Variants in ELOVL2 observed in about 807,000 individuals in gnomAD.
ELOVL2 encodes ELOVL fatty acid elongase 2.
In ELOVL2, 38 loss-of-function variants were observed where a neutral mutation model predicts 37.7. The ratio of observed to expected loss-of-function variants is 1.01; its 90% CI spans 0.78 to 1.32. The LOEUF (loss-of-function observed/expected upper bound fraction) is 1.32, where lower values mean the gene tolerates loss of function less well. Ranked by LOEUF, ELOVL2 falls within the 40% of genes most tolerant of loss-of-function variation. The pLI, the probability that ELOVL2 is intolerant of heterozygous loss-of-function variation, is 0.00. For missense variants in ELOVL2, 352 were observed against 363.6 expected (o/e 0.97, Z 0.26); for synonymous variants, 115 against 122.3 (o/e 0.94, Z 0.40).
In ELOVL2 at chr6:11,044,208, C is replaced by T. The variant is rs761126502; in HGVS notation, c.3+20G>A. On this transcript the variant is annotated intron_variant, in intron 1 of 7. Coordinates refer to ENST00000354666, the MANE Select transcript of ELOVL2 (RefSeq NM_017770.4). This position sits in a 1 kb window ranked among gnomAD's most constrained non-coding sequence, Gnocchi z 5.6. ...AAAGAAAGCGCGGCGGTGTCGGTGG[C>T]GGCGCGCGGCCCCACTCACCATGAT... 16 of 1,446,068 alleles carry T rather than the reference C, an allele frequency of 1.1e-5. No homozygotes were observed. The highest frequency in any genetic ancestry group is 1.4e-5 in the South Asian group (1 of 71,004). 89.6% of individuals were successfully genotyped at this position (1,446,068 alleles called of 1,614,324 possible). A position where few individuals can be genotyped will look rare whatever the true frequency, so the allele number is the denominator to read the frequency against.
In ELOVL2 at chr6:11,042,707, C is replaced by T. The variant is rs572905091; in HGVS notation, c.3+1521G>A. Among the ~76,000 whole-genome samples the T allele has an allele frequency of 7.9e-5, 12 of 152,002 alleles. No homozygotes were observed. In the South Asian group the frequency reaches 2.5e-3, roughly 32 times the overall value. On this transcript the variant is annotated intron_variant, in intron 1 of 7. Coordinates refer to ENST00000354666, the MANE Select transcript of ELOVL2 (RefSeq NM_017770.4). ...ACTCGTCATTGAAGGCTGCCAAAAT[C>T]GGGTCCCTCCTGTCGGGAGTATCTC...
chr6:10,995,171 T>C lies in ELOVL2; in HGVS notation c.341A>G (p.Lys114Arg), dbSNP rs955064791. Residue 114 changes from lysine to arginine, a missense_variant, in exon 5 of 8, where the codon AAG (lysine) becomes AGG (arginine). Coordinates refer to ENST00000354666, the MANE Select transcript of ELOVL2 (RefSeq NM_017770.4). ...GGAGAAATAGTACCACCAAAGCACCTTGGCTACCTATAGAAATTTGTAAAG... is the reference window on the plus strand; with the variant it reads ...GGAGAAATAGTACCACCAAAGCACCCTGGCTACCTATAGAAATTTGTAAAG... The part of the protein sequence containing the change: ...SAGEADIRVA[K>R]VLWWYYFSKS... 5 of 1,603,428 alleles carry C rather than the reference T, an allele frequency of 3.1e-6. No homozygotes were observed. The highest frequency in any genetic ancestry group is 2.7e-5 in the African/African-American group (2 of 74,278).
At chr6:10,989,928 C>T (rs1782121754) in intron 6 of ELOVL2, 91 bp from the exon 7 acceptor site, 1 of 1,439,570 alleles carries the variant, frequency 6.9e-7, no homozygotes, top group Non-Finnish European at 9.5e-7. Flanking sequence ...GAAATCAACT[C>T]CTAGGACTCT....
chr6:11,040,816 T>C (rs1783088880), intron 1 of ELOVL2, among the ~76,000 whole-genome samples: 2 of 152,182 alleles, frequency 1.3e-5, no homozygotes, highest in African/African-American at 4.8e-5. Context: ...TATGAAATAT[T>C]ATCATCTTTT....
rs1166654178 is a variant in ELOVL2 at position 10,982,822 on chromosome 6, A to G, written c.*959T>C. 6.6e-6 allele frequency: 1 copy of G among 152,218 alleles called. No individual in the cohort carries two copies. The highest frequency in any genetic ancestry group is 1.5e-5 in the Non-Finnish European group (1 of 68,044). The allele number at this position is 152,218 out of a possible 1,614,324, so 9.4% of individuals were successfully genotyped here. On this transcript the variant is annotated 3_prime_UTR_variant, in exon 8 of 8. Transcript: ENST00000354666. ...GTAATATTCACAAGTAGGCTCACAA[A>G]AAAGAGTTGACGAATTCAGTGCCTA...
chr6:10,992,774 G>A (rs868197476), intron 5 of ELOVL2, among the ~76,000 whole-genome samples: 66 of 147,028 alleles, frequency 4.5e-4, no homozygotes, highest in Non-Finnish European at 5.2e-4. Flanking sequence ...GCGACAGGGC[G>A]GGACTCCATC....
rs745812351 is a variant in ELOVL2, at chr6:10,989,873, CCA to C, written c.631-38_631-37del. On this transcript the variant is annotated intron_variant, in intron 6 of 7. Coordinates refer to ENST00000354666, the MANE Select transcript of ELOVL2 (RefSeq NM_017770.4). Reference sequence around the variant, plus strand: ...CAGAGAGGGCATCTCTGTGAGCGAGCCAGGCTGTGCCACACAGACACTGCGGC... The same window carrying C: ...CAGAGAGGGCATCTCTGTGAGCGAGCGGCTGTGCCACACAGACACTGCGGC... 63 of 1,612,522 alleles carry C rather than the reference CCA, an allele frequency of 3.9e-5. No individual in the cohort carries two copies. The Middle Eastern group carries it at 5.0e-4, about 13-fold the overall frequency.
In ELOVL2 at chr6:10,991,509, CTGAGA is replaced by C. The variant is rs377181078; in HGVS notation, c.506-1072_506-1068del. On this transcript the variant is annotated intron_variant, in intron 5 of 7. Transcript: ENST00000354666. Reference sequence around the variant, plus strand: ...GCTCTTAAGTTTGGGATGAAATTAACTGAGATAATATATGAATTTAAAAGCACCGC... The same window carrying C: ...GCTCTTAAGTTTGGGATGAAATTAACTAATATATGAATTTAAAAGCACCGC... Among the ~76,000 whole-genome samples the C allele has an allele frequency of 9.6e-3, 1,466 of 152,246 alleles. 10 individuals are homozygous for C. Among genetic ancestry groups the C allele is most frequent in the Middle Eastern group, 0.051 (15 of 292 alleles).
chr6:11,017,133 A>G (rs2113534331), intron 1 of ELOVL2, among the ~76,000 whole-genome samples: 1 of 152,316 alleles, frequency 6.6e-6, no homozygotes. Flanking sequence ...ATCATTTCTA[A>G]CATCTTAGAA....
At chr6:11,022,061 C>G (rs950931593) in intron 1 of ELOVL2, among the ~76,000 whole-genome samples, 1 of 152,152 alleles carries the variant, frequency 6.6e-6, no homozygotes, top group African/African-American at 2.4e-5. Flanking sequence ...CCAGGGGTCC[C>G]AGGGAGAGAG....
rs148247732 is a variant in ELOVL2, at chr6:11,029,812, T to C, written c.3+14416A>G. Among the ~76,000 whole-genome samples the C allele has an allele frequency of 3.8e-4, 58 of 152,316 alleles. 1 individual carries two copies. The East Asian group carries it at 9.8e-3, about 26-fold the overall frequency. ...GAAAAGAGAAACACTGAGAGGACACTGCATGCAGTGGGTTGGAACCCTTTC... is the reference window on the plus strand; with the variant it reads ...GAAAAGAGAAACACTGAGAGGACACCGCATGCAGTGGGTTGGAACCCTTTC... On this transcript the variant is annotated intron_variant, in intron 1 of 7. Transcript: ENST00000354666.
intron 1 of ELOVL2, among the ~76,000 whole-genome samples, chr6:11,021,519 A>AAGAGTGTAGGAGAGTAGGAAGAGAGAAC (rs1277868118): frequency 5.8e-4 from 89 of 152,272 alleles, no homozygotes; most frequent in African/African-American, 2.1e-3. Flanking sequence ...TTGGCAAGTA[A>AAGAGTGTAGGAGAGTAGGAAGAGAGAAC]AGAGTGTAGG....
intron 1 of ELOVL2, among the ~76,000 whole-genome samples, chr6:11,022,851 C>T (rs929900232): frequency 1.3e-5 from 2 of 152,138 alleles, no homozygotes; most frequent in South Asian, 2.1e-4. Flanking sequence ...ATAATAGTTT[C>T]TTTCCAGTCA....
At chr6:11,022,294 G>C (rs1782775659) in intron 1 of ELOVL2, among the ~76,000 whole-genome samples, 1 of 152,180 alleles carries the variant, frequency 6.6e-6, no homozygotes, top group Non-Finnish European at 1.5e-5. Context: ...CACCTGGTAT[G>C]AACGGCAGTG....
chr6:11,029,223 C>CAAAAAAAAAAAAAAAAAAAAAAAAAAAA (rs376639413), intron 1 of ELOVL2, among the ~76,000 whole-genome samples: 1 of 75,804 alleles, frequency 1.3e-5, no homozygotes, highest in Non-Finnish European at 2.7e-5. Context: ...AGGGAGATCT[C>CAAAAAAAAAAAAAAAAAAAAAAAAAAAA]AAAAAAAAAA....
intron 7 of ELOVL2, among the ~76,000 whole-genome samples, chr6:10,984,871 T>C (rs1782018430): frequency 1.3e-5 from 2 of 152,206 alleles, no homozygotes; most frequent in Non-Finnish European, 2.9e-5. Context: ...TTTGGGTATA[T>C]ACCCAGTGAT....
chr6:10,990,454 C>T lies in ELOVL2; in HGVS notation c.506-12G>A. The T allele has an allele frequency of 1.9e-6, 3 of 1,578,808 alleles. No homozygotes were observed. Among genetic ancestry groups the T allele is most frequent in the Non-Finnish European group, 2.6e-6 (3 of 1,168,858 alleles). ...TGGTCCAAAGAAACCTATAAAAGTA[C>T]AGTATAAAAATCACTATTCTTCCAG... On this transcript the variant is annotated splice_polypyrimidine_tract_variant and intron_variant, in intron 5 of 7. Coordinates refer to ENST00000354666, the MANE Select transcript of ELOVL2 (RefSeq NM_017770.4).
intron 1 of ELOVL2, chr6:11,043,467 A>AACACACACACACATACACACACACAC (rs1783138751): frequency 9.3e-6 from 1 of 107,206 alleles, no homozygotes; most frequent in Non-Finnish European, 1.9e-5. Context: ...GACACGGGTG[A>AACACACACACACATACACACACACAC]ACACACACAC....
Position 11,014,410 on chromosome 6 carries a change from C to T in ELOVL2, c.4-3601G>A, listed in dbSNP as rs973328517. ...GGGAGAATCACTTGAATGCAGGAGG[C>T]GGAGGTTGCAGTGAGCTGAGATCGC... On this transcript the variant is annotated intron_variant, in intron 1 of 7. Transcript: ENST00000354666. Among the ~76,000 whole-genome samples the T allele has an allele frequency of 2.7e-5, 4 of 149,854 alleles. No homozygotes were observed. In the Admixed American group the frequency reaches 2.7e-4, roughly 10 times the overall value.
Sources: gnomAD v4.1 joint callset for allele counts (sites outside exome capture counted in the v4.1 genomes callset) on GRCh38, gnomAD v4.1.1 for gene constraint, Gnocchi (gnomAD v3.1) non-coding constraint, MANE v1.5 for transcripts, NCBI Gene and HGNC (gene_info 2026-07-23, HGNC 2026-07-21) for gene names.